RFX3: variants seen among roughly 807,000 people sequenced by gnomAD.
RFX3 encodes the protein regulatory factor X3.
In RFX3, 14 loss-of-function variants were observed where a neutral mutation model predicts 98.6. That is an observed-to-expected ratio of 0.14 (90% CI 0.09 to 0.22). RFX3 has a LOEUF of 0.22. Among genes scored for constraint, RFX3 ranks in the 10% least tolerant of loss-of-function variants. RFX3 has a pLI of 1.00. For synonymous variants in RFX3, 383 were observed against 328.4 expected (o/e 1.17, Z -1.80); for missense variants, 639 against 926.9 (o/e 0.69, Z 4.03).
At chr9:3,504,298 A>G (rs948662604) in intron 1 of RFX3, among the ~76,000 whole-genome samples, 1 of 137,184 alleles carries the variant, frequency 7.3e-6, no homozygotes, top group Non-Finnish European at 1.5e-5. Context: ...AATATATATT[A>G]TATACCACAT....
chr9:3,511,310 T>C (rs575469699), intron 1 of RFX3, among the ~76,000 whole-genome samples: 3 of 152,168 alleles, frequency 2.0e-5, no homozygotes, highest in East Asian at 3.9e-4. Flanking sequence ...CTGCTCATTA[T>C]AGAATAGTTT....
intron 2 of RFX3, among the ~76,000 whole-genome samples, chr9:3,379,173 A>C (rs1416456227): frequency 6.6e-6 from 1 of 152,176 alleles, no homozygotes; most frequent in Non-Finnish European, 1.5e-5. Context: ...AATGTACATT[A>C]CAGTTTTGGG....
At chr9:3,470,346 A>G (rs1221718565) in intron 1 of RFX3, among the ~76,000 whole-genome samples, 3 of 140,820 alleles carry the variant, frequency 2.1e-5, no homozygotes, top group Non-Finnish European at 4.6e-5. Flanking sequence ...ACGGAGTCTC[A>G]CTCTGTCGCC....
chr9:3,359,723 G>C (rs549121371), intron 2 of RFX3, among the ~76,000 whole-genome samples: 4 of 151,906 alleles, frequency 2.6e-5, no homozygotes, highest in Non-Finnish European at 5.9e-5. Flanking sequence ...CTTCTAAATG[G>C]GGATGTGTAT....
At chr9:3,369,794 T>C (rs1048356793) in intron 2 of RFX3, among the ~76,000 whole-genome samples, 3 of 152,078 alleles carry the variant, frequency 2.0e-5, no homozygotes, top group South Asian at 4.1e-4. Flanking sequence ...TAATGACGAA[T>C]TAGATTTACA....
At chr9:3,489,598 TA>T (rs1850574686) in intron 1 of RFX3, 1 of 168,064 alleles carries the variant, frequency 6.0e-6, no homozygotes, top group African/African-American at 2.4e-5. Flanking sequence ...AGTCAACTAT[TA>T]TTTTTCTACC....
At chr9:3,237,090 C>T (rs1483234405) in intron 15 of RFX3, among the ~76,000 whole-genome samples, 2 of 152,222 alleles carry the variant, frequency 1.3e-5, no homozygotes, top group Non-Finnish European at 2.9e-5. Flanking sequence ...CAAGTACTTA[C>T]AAAACCTTTC....
intron 1 of RFX3, among the ~76,000 whole-genome samples, chr9:3,457,139 CA>C (rs1169959832): frequency 0.01 from 238 of 22,786 alleles, no homozygotes; most frequent in African/African-American, 0.032. Context: ...GACTCCATCT[CA>C]AAAAAAAAAA....
At chr9:3,377,489 A>G (rs1314225531) in intron 2 of RFX3, among the ~76,000 whole-genome samples, 1 of 152,210 alleles carries the variant, frequency 6.6e-6, no homozygotes, top group Non-Finnish European at 1.5e-5. Context: ...CCTAACATAA[A>G]TGACAAGTTA....
intron 1 of RFX3, among the ~76,000 whole-genome samples, chr9:3,414,999 C>T (rs1842842024): frequency 7.6e-6 from 1 of 132,390 alleles, no homozygotes; most frequent in African/African-American, 2.7e-5. Flanking sequence ...CATATATATA[C>T]TTATATATAC....
intron 7 of RFX3, among the ~76,000 whole-genome samples, chr9:3,282,930 T>C (rs1826101025): frequency 6.6e-6 from 1 of 151,800 alleles, no homozygotes; most frequent in Non-Finnish European, 1.5e-5. Context: ...AGATCTTGCA[T>C]GTAATGTGTT....
intron 1 of RFX3, among the ~76,000 whole-genome samples, chr9:3,474,049 C>T (rs949233882): frequency 6.6e-6 from 1 of 152,176 alleles, no homozygotes; most frequent in Non-Finnish European, 1.5e-5. Context: ...AATTTGCATG[C>T]TATGAAATTC....
intron 1 of RFX3, among the ~76,000 whole-genome samples, chr9:3,407,462 C>A (rs1010885072): frequency 6.6e-6 from 1 of 152,026 alleles, no homozygotes; most frequent in Non-Finnish European, 1.5e-5. Flanking sequence ...ATAATTCCAT[C>A]AGCACCAAGG....
At chr9:3,471,886 T>A (rs1332334477) in intron 1 of RFX3, among the ~76,000 whole-genome samples, 2 of 152,342 alleles carry the variant, frequency 1.3e-5, no homozygotes, top group African/African-American at 4.8e-5. Flanking sequence ...TGAATGATCT[T>A]ATTTAGTAAA....
At position 3,517,362 on chromosome 9, in the gene RFX3, T is replaced by C. The variant is rs561662519; in HGVS notation, c.-9+8385A>G. On this transcript the variant is annotated intron_variant, in intron 1 of 16. Transcript: ENST00000617270. ...TTTTGAAGTCCTTTATATCTTGGCC[T>C]GGTCACTCGCTGTCCTTTCTCCTTT... Among the ~76,000 whole-genome samples, 27 of 152,356 alleles carry C rather than the reference T, an allele frequency of 1.8e-4. No homozygotes were observed. The East Asian group carries it at 4.8e-3, about 27-fold the overall frequency.
chr9:3,468,837 AAG>A (rs1211567485), intron 1 of RFX3, among the ~76,000 whole-genome samples: 5 of 151,500 alleles, frequency 3.3e-5, no homozygotes, highest in African/African-American at 1.2e-4. Flanking sequence ...AAAAAGAAAA[AAG>A]AAAAAAAAGA....
At chr9:3,448,374 T>G (rs1368327095) in intron 1 of RFX3, among the ~76,000 whole-genome samples, 1 of 152,166 alleles carries the variant, frequency 6.6e-6, no homozygotes, top group Non-Finnish European at 1.5e-5. Flanking sequence ...AAGCGGTAAT[T>G]AAAAGGACCA....
intron 1 of RFX3, among the ~76,000 whole-genome samples, chr9:3,438,524 C>T (rs1845354360): frequency 6.6e-6 from 1 of 151,772 alleles, no homozygotes; most frequent in Non-Finnish European, 1.5e-5. Context: ...CAAAAGGAAC[C>T]ATATCAAAAA....
intron 7 of RFX3, among the ~76,000 whole-genome samples, chr9:3,278,508 C>T (rs779603296): frequency 4.0e-5 from 6 of 151,660 alleles, no homozygotes; most frequent in Non-Finnish European, 5.9e-5. Context: ...GACACTTGAC[C>T]CCTACATTGA....
Sources: allele counts gnomAD v4.1 joint callset (sites outside exome capture counted in the v4.1 genomes callset), GRCh38; gene constraint gnomAD v4.1.1; transcripts MANE v1.5; gene names NCBI Gene and HGNC (gene_info 2026-07-23, HGNC 2026-07-21).